ST18: variants seen among roughly 807,000 people sequenced by gnomAD.
The protein encoded by ST18 is ST18 C2H2C-type zinc finger transcription factor.
In ST18, 50 loss-of-function variants were observed where a neutral mutation model predicts 110.0. The observed-to-expected ratio is 0.45, with a 90% CI of 0.36 to 0.58. ST18 has a LOEUF of 0.58. ST18 is among the 20% of genes least tolerant of loss of function. The probability of loss-of-function intolerance (pLI) is 0.00; values close to 1 mark genes in which losing one functional copy is unlikely to be tolerated. For missense variants in ST18, 1,306 were observed against 1,280.1 expected (o/e 1.02, Z -0.31); for synonymous variants, 461 against 452.4 (o/e 1.02, Z -0.24).
chr8:52,299,632 C>G (rs1352783587), intron 2 of ST18, among the ~76,000 whole-genome samples: 4 of 152,158 alleles, frequency 2.6e-5, no homozygotes, highest in Non-Finnish European at 5.9e-5. Flanking sequence ...GAAAGTTTTT[C>G]AGGCCTACAT....
intron 2 of ST18, among the ~76,000 whole-genome samples, chr8:52,352,605 G>A (rs1820874023): frequency 6.6e-6 from 1 of 152,188 alleles, no homozygotes; most frequent in Non-Finnish European, 1.5e-5. Context: ...GACATAAGGT[G>A]TGTGAGAGGT....
At chr8:52,135,902 T>C (rs2052018963) in intron 19 of ST18, among the ~76,000 whole-genome samples, 1 of 152,368 alleles carries the variant, frequency 6.6e-6, no homozygotes, top group Non-Finnish European at 1.5e-5. Context: ...TCTAAAGCTT[T>C]ATTATTTGTA....
At chr8:52,214,151 A>C (rs2083241946) in intron 7 of ST18, 52 bp downstream of exon 7, 1 of 1,577,030 alleles carries the variant, frequency 6.3e-7, no homozygotes, top group East Asian at 2.2e-5. Context: ...TGGAACGCTC[A>C]TATTTCATGG....
intron 2 of ST18, among the ~76,000 whole-genome samples, chr8:52,386,074 C>T (rs142468416): frequency 2.0e-5 from 3 of 152,244 alleles, no homozygotes; most frequent in South Asian, 2.1e-4. Context: ...TGCACATATA[C>T]GCAGACATTG....
In ST18 at chr8:52,398,290, A is replaced by G. The variant is rs150711045; in HGVS notation, c.-465+11038T>C. ...ATTTTATATCCTACAAATGTACTGA[A>G]TTCATTTATTAGTTTTAAGAGTTTC... On this transcript the variant is annotated intron_variant, in intron 2 of 25. Transcript: ENST00000689386. Among the ~76,000 whole-genome samples, 479 of 152,226 alleles carry G rather than the reference A, an allele frequency of 3.1e-3. 4 individuals carry two copies. Among genetic ancestry groups the G allele is most frequent in the African/African-American group, 0.011 (459 of 41,558 alleles).
intron 2 of ST18, among the ~76,000 whole-genome samples, chr8:52,234,515 G>A (rs1418190195): frequency 6.6e-6 from 1 of 151,868 alleles, no homozygotes; most frequent in Non-Finnish European, 1.5e-5. Flanking sequence ...CATCCGCCTT[G>A]GCCTCCCAAA....
chr8:52,373,473 C>T (rs975280104), intron 2 of ST18, among the ~76,000 whole-genome samples: 1 of 152,032 alleles, frequency 6.6e-6, no homozygotes, highest in African/African-American at 2.4e-5. Flanking sequence ...CTCTTGGTTT[C>T]CTGAGCCCTC....
intron 2 of ST18, among the ~76,000 whole-genome samples, chr8:52,324,225 G>C (rs1040281846): frequency 6.6e-6 from 1 of 152,152 alleles, no homozygotes; most frequent in Non-Finnish European, 1.5e-5. Flanking sequence ...GGGCCACTGG[G>C]CCTCAGGTTT....
intron 6 of ST18, among the ~76,000 whole-genome samples, chr8:52,214,574 AAGG>A (rs1727350422): frequency 6.6e-6 from 1 of 152,234 alleles, no homozygotes; most frequent in Non-Finnish European, 1.5e-5. Context: ...AGTGGCTGTG[AAGG>A]AGATGAAACC....
intron 16 of ST18, among the ~76,000 whole-genome samples, chr8:52,145,002 A>G (rs1049350732): frequency 6.6e-6 from 1 of 151,526 alleles, no homozygotes; most frequent in Non-Finnish European, 1.5e-5. Context: ...ACAATTGCTA[A>G]ATCTGATATT....
chr8:52,216,413 A>G (rs529574519), intron 6 of ST18, among the ~76,000 whole-genome samples: 81 of 152,352 alleles, frequency 5.3e-4, no homozygotes, highest in African/African-American at 1.8e-3. Flanking sequence ...CTATACAAAC[A>G]TATTTAAAAA....
At chr8:52,376,755 A>G (rs1832546204) in intron 2 of ST18, among the ~76,000 whole-genome samples, 1 of 152,204 alleles carries the variant, frequency 6.6e-6, no homozygotes, top group Non-Finnish European at 1.5e-5. Context: ...TAGGGAGGAC[A>G]GGATGGGGAA....
At chr8:52,342,707 G>A (rs1031710950) in intron 2 of ST18, among the ~76,000 whole-genome samples, 3 of 152,092 alleles carry the variant, frequency 2.0e-5, no homozygotes, top group Non-Finnish European at 2.9e-5. Flanking sequence ...GTGAAAAGAC[G>A]TTGAAACTGC....
chr8:52,179,690 T>G (rs1027995233), intron 9 of ST18, among the ~76,000 whole-genome samples: 23 of 152,146 alleles, frequency 1.5e-4, no homozygotes, highest in African/African-American at 5.5e-4. Flanking sequence ...AATATATACA[T>G]ATATATATCA....
Position 52,302,739 on chromosome 8 carries a change from A to T in ST18, c.-464-72662T>A, listed in dbSNP as rs10113090. On this transcript the variant is annotated intron_variant, in intron 2 of 25. Transcript: ENST00000689386. Reference sequence around the variant, plus strand: ...GATCTGGGGCAATTTGAGCATCAACATAAATAATGATAGGAACTTATAACC... The same window carrying T: ...GATCTGGGGCAATTTGAGCATCAACTTAAATAATGATAGGAACTTATAACC... Among the ~76,000 whole-genome samples the T allele has an allele frequency of 6.8e-3, 1,031 of 152,330 alleles. 11 individuals are homozygous for T. Among genetic ancestry groups the T allele is most frequent in the African/African-American group, 0.024 (980 of 41,572 alleles).
chr8:52,159,166 G>T, intron 14 of ST18, 57 bp from the exon 15 acceptor site: 2 of 1,509,510 alleles, frequency 1.3e-6, no homozygotes, highest in Non-Finnish European at 1.8e-6. Flanking sequence ...TCATTAAACA[G>T]ATTTGTTTTT....
chr8:52,227,060 G>A (rs1263413655), intron 3 of ST18, among the ~76,000 whole-genome samples: 1 of 152,160 alleles, frequency 6.6e-6, no homozygotes, highest in African/African-American at 2.4e-5. Context: ...GATATGGAAT[G>A]GGAGAATATA....
chr8:52,304,495 T>G (rs1195273214), intron 2 of ST18, among the ~76,000 whole-genome samples: 1 of 152,154 alleles, frequency 6.6e-6, no homozygotes, highest in South Asian at 2.1e-4. Context: ...TTCTAAAAAC[T>G]TACTGGAAGG....
chr8:52,116,188 G>T (rs1292148865), intron 25 of ST18, 87 bp downstream of exon 25: 6 of 1,501,210 alleles, frequency 4.0e-6, no homozygotes, highest in Non-Finnish European at 4.5e-6. Flanking sequence ...TCTCCTCAAA[G>T]CTCAGTCGTG....
Sources: gnomAD v4.1 joint callset for allele counts (sites outside exome capture counted in the v4.1 genomes callset) on GRCh38, gnomAD v4.1.1 for gene constraint, MANE v1.5 for transcripts, NCBI Gene and HGNC (gene_info 2026-07-23, HGNC 2026-07-21) for gene names.